BTBD9: variants seen among roughly 807,000 people sequenced by gnomAD.
The protein encoded by BTBD9 is BTB/POZ domain-containing protein 9.
BTBD9 carries 49 observed loss-of-function variants against 64.3 expected under a neutral mutation model. That is an observed-to-expected ratio of 0.76 (90% CI 0.61 to 0.97). BTBD9 has a LOEUF of 0.97. BTBD9 is among the 50% of genes least tolerant of loss of function. BTBD9 has a pLI of 0.00. For missense variants in BTBD9, 598 were observed against 762.1 expected (o/e 0.78, Z 2.53); for synonymous variants, 260 against 274.7 (o/e 0.95, Z 0.53).
intron 9 of BTBD9, among the ~76,000 whole-genome samples, chr6:38,210,536 TTG>T (rs71542165): frequency 0.083 from 12,081 of 146,260 alleles, 530 homozygotes; most frequent in Non-Finnish European, 0.1. Flanking sequence ...GTGCGTGTGT[TTG>T]TGTGTGTGTG....
At chr6:38,611,668 C>A (rs1414074320) in intron 1 of BTBD9, among the ~76,000 whole-genome samples, 1 of 152,140 alleles carries the variant, frequency 6.6e-6, no homozygotes, top group Non-Finnish European at 1.5e-5. Flanking sequence ...AAATGTGAGA[C>A]TCCATGTGAG....
intron 9 of BTBD9, among the ~76,000 whole-genome samples, chr6:38,245,177 C>T (rs1444496132): frequency 1.3e-5 from 2 of 152,242 alleles, no homozygotes. Flanking sequence ...CAAATCCCTG[C>T]TCTGGAGCTT....
At chr6:38,272,218 T>G (rs1424735560) in intron 8 of BTBD9, among the ~76,000 whole-genome samples, 1 of 152,082 alleles carries the variant, frequency 6.6e-6, no homozygotes, top group Admixed American at 6.6e-5. Context: ...AAATAAAGTT[T>G]TATAGTCTTT....
At chr6:38,373,454 G>C (rs182167347) in intron 6 of BTBD9, among the ~76,000 whole-genome samples, 71 of 152,254 alleles carry the variant, frequency 4.7e-4, no homozygotes, top group Non-Finnish European at 7.9e-4. Flanking sequence ...GAAACTTAAT[G>C]TGACAGTTTC....
intron 6 of BTBD9, among the ~76,000 whole-genome samples, chr6:38,552,912 G>A (rs1029678288): frequency 2.0e-5 from 3 of 152,072 alleles, no homozygotes; most frequent in Non-Finnish European, 4.4e-5. Flanking sequence ...CCCCCACCAA[G>A]GATATCAAAA....
intron 9 of BTBD9, among the ~76,000 whole-genome samples, chr6:38,250,270 A>T (rs569632516): frequency 6.6e-6 from 1 of 152,252 alleles, no homozygotes; most frequent in Non-Finnish European, 1.5e-5. Context: ...AGACATAAAC[A>T]ATCTGTTCAA....
chr6:38,500,261 G>C (rs1582533744), intron 6 of BTBD9, among the ~76,000 whole-genome samples: 2 of 150,920 alleles, frequency 1.3e-5, no homozygotes, highest in East Asian at 3.9e-4. Context: ...CAGCAGAGGG[G>C]TGGTAGTAGG....
intron 6 of BTBD9, among the ~76,000 whole-genome samples, chr6:38,425,927 T>TACACACACAC (rs61016424): frequency 0.014 from 1,925 of 137,044 alleles, 24 homozygotes; most frequent in Middle Eastern, 0.025. Flanking sequence ...AAGAAACACA[T>TACACACACAC]ACACACACAC....
intron 8 of BTBD9, among the ~76,000 whole-genome samples, chr6:38,276,524 A>G (rs1239073843): frequency 1.3e-5 from 2 of 152,162 alleles, no homozygotes; most frequent in East Asian, 3.9e-4. Flanking sequence ...AATAAAAAAA[A>G]GAAATGGTCA....
intron 6 of BTBD9, among the ~76,000 whole-genome samples, chr6:38,538,309 C>A (rs1774114767): frequency 6.6e-6 from 1 of 152,060 alleles, no homozygotes; most frequent in Admixed American, 6.5e-5. Flanking sequence ...TTGCAAATTA[C>A]TTTGGGGAAA....
At chr6:38,554,486 C>T (rs958512465) in intron 6 of BTBD9, among the ~76,000 whole-genome samples, 3 of 152,172 alleles carry the variant, frequency 2.0e-5, no homozygotes, top group African/African-American at 7.2e-5. Flanking sequence ...GGCATGAATG[C>T]AAACGTGGGT....
intron 8 of BTBD9, among the ~76,000 whole-genome samples, chr6:38,279,841 C>A (rs1380049391): frequency 6.6e-6 from 1 of 152,110 alleles, no homozygotes; most frequent in African/African-American, 2.4e-5. Context: ...GGGCCGAAAT[C>A]CTCTGTAAAA....
intron 10 of BTBD9, among the ~76,000 whole-genome samples, chr6:38,188,151 G>T (rs547350706): frequency 2.0e-5 from 3 of 152,282 alleles, no homozygotes; most frequent in South Asian, 2.1e-4. Flanking sequence ...CCTGCTGTCC[G>T]CCTTCTCCTA....
chr6:38,583,193 C>G (rs533749041), intron 4 of BTBD9, among the ~76,000 whole-genome samples: 1 of 152,190 alleles, frequency 6.6e-6, no homozygotes, highest in Non-Finnish European at 1.5e-5. Context: ...AGTCCTGACA[C>G]CACAAGTCAA....
chr6:38,550,495 T>A (rs1235461076), intron 6 of BTBD9, among the ~76,000 whole-genome samples: 3 of 151,980 alleles, frequency 2.0e-5, no homozygotes, highest in African/African-American at 7.3e-5. Flanking sequence ...TTTTTGTATT[T>A]TTAGTAGAGA....
chr6:38,419,042 T>C (rs796539223), intron 6 of BTBD9, among the ~76,000 whole-genome samples: 19 of 152,338 alleles, frequency 1.2e-4, no homozygotes, highest in African/African-American at 4.6e-4. Flanking sequence ...ACTAAACCCA[T>C]TCTTACAAAA....
chr6:38,245,779 T>C (rs1764171872), intron 9 of BTBD9, among the ~76,000 whole-genome samples: 2 of 152,220 alleles, frequency 1.3e-5, no homozygotes, highest in Admixed American at 1.3e-4. Flanking sequence ...GTGATCTTGA[T>C]TTATTTTTAA....
chr6:38,251,637 C>T (rs1027314573), intron 9 of BTBD9, among the ~76,000 whole-genome samples: 7 of 152,172 alleles, frequency 4.6e-5, no homozygotes, highest in South Asian at 4.2e-4. Context: ...CGGTGGCTCA[C>T]GCCTGTACTT....
chr6:38,278,522 A>G (rs1007497627), intron 8 of BTBD9, among the ~76,000 whole-genome samples: 1 of 152,212 alleles, frequency 6.6e-6, no homozygotes, highest in African/African-American at 2.4e-5. Flanking sequence ...GTAAGGCTAT[A>G]GGAGGTTCTG....
Sources: gnomAD v4.1 joint callset for allele counts (sites outside exome capture counted in the v4.1 genomes callset) on GRCh38, gnomAD v4.1.1 for gene constraint, MANE v1.5 for transcripts, NCBI Gene and HGNC (gene_info 2026-07-23, HGNC 2026-07-21) for gene names.